SGCZ: variants seen among roughly 807,000 people sequenced by gnomAD.
SGCZ encodes sarcoglycan zeta.
In SGCZ, 40 loss-of-function variants were observed where a neutral mutation model predicts 41.3. The observed-to-expected ratio is 0.97, with a 90% CI of 0.75 to 1.26. The LOEUF is 1.26. Among genes scored for constraint, SGCZ ranks in the 50% most tolerant of loss-of-function variants. The pLI, the probability that SGCZ is intolerant of heterozygous loss-of-function variation, is 0.00. For synonymous variants in SGCZ, 206 were observed against 137.5 expected, an observed-to-expected ratio of 1.50 and a Z score of -3.49; for missense variants, 552 against 369.8, an observed-to-expected ratio of 1.49 and a Z score of -4.04.
chr8:14,575,124 G>A (rs753657733), intron 1 of SGCZ, among the ~76,000 whole-genome samples: 1 of 152,184 alleles, frequency 6.6e-6, no homozygotes, highest in Non-Finnish European at 1.5e-5. Flanking sequence ...AAATAAATTT[G>A]TGTTCATTAG....
intron 1 of SGCZ, among the ~76,000 whole-genome samples, chr8:14,602,532 AATT>A (rs1805626695): frequency 6.6e-6 from 1 of 152,150 alleles, no homozygotes; most frequent in South Asian, 2.1e-4. Flanking sequence ...TGAAAAAACT[AATT>A]AATTAATTAA....
At chr8:14,443,188 A>C (rs1800324401) in intron 2 of SGCZ, among the ~76,000 whole-genome samples, 1 of 152,184 alleles carries the variant, frequency 6.6e-6, no homozygotes, top group African/African-American at 2.4e-5. Flanking sequence ...AGAATATTCC[A>C]TGCTCATGGG....
intron 1 of SGCZ, among the ~76,000 whole-genome samples, chr8:14,669,438 T>A (rs1010579763): frequency 6.6e-6 from 1 of 151,984 alleles, no homozygotes; most frequent in Non-Finnish European, 1.5e-5. Flanking sequence ...TAATCTTGAA[T>A]AACTAAAAGT....
At chr8:14,848,129 A>AAATTAT (rs1180544544) in intron 1 of SGCZ, among the ~76,000 whole-genome samples, 4 of 152,146 alleles carry the variant, frequency 2.6e-5, no homozygotes, top group African/African-American at 4.8e-5. Flanking sequence ...CAGTAGCATA[A>AAATTAT]AATTATAAAA....
chr8:14,637,560 G>A lies in SGCZ; in HGVS notation c.40-82634C>T, dbSNP rs1329555671. On this transcript the variant is annotated intron_variant, in intron 1 of 7. Coordinates refer to ENST00000382080, the MANE Select transcript of SGCZ (RefSeq NM_139167.4). The stretch of plus-strand genomic sequence containing the variant: ...GTGTTTAGCTCCCACTTATAAGTGA[G>A]AACATGCAGTATTTGTTTTTTTTGT... 2.0e-5 allele frequency among the ~76,000 whole-genome samples: 3 copies of A among 149,238 alleles called. 1 individual carries two copies. Among genetic ancestry groups the A allele is most frequent in the South Asian group, 4.2e-4 (2 of 4,730 alleles).
rs532858389 is a variant in SGCZ, at chr8:14,551,032, G to A, written c.234+3700C>T. Reference sequence around the variant, plus strand: ...TTGCTTCAATTATTACCCAGGTCTGGGTATTCTTGACTTCTCTTTAACTCA... The same window carrying A: ...TTGCTTCAATTATTACCCAGGTCTGAGTATTCTTGACTTCTCTTTAACTCA... On this transcript the variant is annotated intron_variant, in intron 2 of 7. Coordinates refer to ENST00000382080, the MANE Select transcript of SGCZ (RefSeq NM_139167.4). Among the ~76,000 whole-genome samples the A allele has an allele frequency of 9.6e-4, 145 of 151,300 alleles. 1 individual carries two copies. The highest frequency in any genetic ancestry group is 6.8e-3 in the Middle Eastern group (2 of 292).
chr8:14,895,769 G>C (rs1042478111), intron 1 of SGCZ, among the ~76,000 whole-genome samples: 3 of 152,178 alleles, frequency 2.0e-5, no homozygotes, highest in Admixed American at 6.5e-5. Flanking sequence ...AGATGCAGTG[G>C]TTCCCAGCCC....
intron 5 of SGCZ, among the ~76,000 whole-genome samples, chr8:14,137,686 G>C (rs1803243585): frequency 6.6e-6 from 1 of 152,206 alleles, no homozygotes. Flanking sequence ...TTTGTGAAAA[G>C]ACCAAATCTA....
chr8:14,463,074 C>A (rs1219641194), intron 2 of SGCZ, among the ~76,000 whole-genome samples: 2 of 151,380 alleles, frequency 1.3e-5, no homozygotes, highest in African/African-American at 4.8e-5. Flanking sequence ...TAATCTTAAC[C>A]ATATTTTTGT....
intron 1 of SGCZ, among the ~76,000 whole-genome samples, chr8:14,644,984 ACTGTGG>A (rs1270682966): frequency 6.6e-6 from 1 of 151,434 alleles, no homozygotes; most frequent in East Asian, 2.0e-4. Flanking sequence ...TACTCGTTAG[ACTGTGG>A]CCTACAGTCT....
intron 2 of SGCZ, chr8:14,332,493 A>G (rs1802369225): frequency 1.3e-5 from 2 of 152,060 alleles, no homozygotes; most frequent in African/African-American, 4.8e-5. Flanking sequence ...ATTTGACAAA[A>G]TGGATAGGAT....
At chr8:14,819,605 C>G (rs1802013804) in intron 1 of SGCZ, among the ~76,000 whole-genome samples, 1 of 152,076 alleles carries the variant, frequency 6.6e-6, no homozygotes. Context: ...AGTAATGGTG[C>G]AGTGTAAATC....
At chr8:14,832,636 A>G (rs528409397) in intron 1 of SGCZ, among the ~76,000 whole-genome samples, 9 of 152,314 alleles carry the variant, frequency 5.9e-5, no homozygotes, top group Admixed American at 1.3e-4. Flanking sequence ...GAGACATGAA[A>G]GGGTGTCTGC....
At position 14,785,758 on chromosome 8, in the gene SGCZ, T is replaced by G. The variant is rs77436449; in HGVS notation, c.40-230832A>C. 2.0e-3 allele frequency among the ~76,000 whole-genome samples: 307 copies of G among 152,328 alleles called. 2 individuals carry two copies. The highest frequency in any genetic ancestry group is 7.1e-3 in the African/African-American group (295 of 41,576). ...CAAATAAACAAATTCACACGGGCTT[T>G]AACTTGTTACTCTTTTTGTACATTT... On this transcript the variant is annotated intron_variant, in intron 1 of 7. Coordinates refer to ENST00000382080, the MANE Select transcript of SGCZ (RefSeq NM_139167.4).
At chr8:14,356,848 A>AT (rs1392150068) in intron 2 of SGCZ, among the ~76,000 whole-genome samples, 2 of 152,056 alleles carry the variant, frequency 1.3e-5, no homozygotes, top group Non-Finnish European at 2.9e-5. Context: ...AAAATAGTAT[A>AT]TTTTTTCTAA....
At chr8:14,276,473 C>T (rs78512977) in intron 3 of SGCZ, among the ~76,000 whole-genome samples, 137 of 152,218 alleles carry the variant, frequency 9.0e-4, no homozygotes, top group Non-Finnish European at 1.4e-3. Context: ...GTAAGTGGCT[C>T]TTGATATATT....
At chr8:14,587,877 A>T (rs1805112073) in intron 1 of SGCZ, among the ~76,000 whole-genome samples, 1 of 152,154 alleles carries the variant, frequency 6.6e-6, no homozygotes, top group African/African-American at 2.4e-5. Context: ...ATTGTATTAT[A>T]AACTGAGTTT....
intron 1 of SGCZ, among the ~76,000 whole-genome samples, chr8:15,138,385 T>A (rs190170685): frequency 6.6e-6 from 1 of 152,060 alleles, no homozygotes; most frequent in Non-Finnish European, 1.5e-5. Flanking sequence ...TGGGAGGGCA[T>A]GATTGTGATT....
rs1296776203 is a variant in SGCZ, at chr8:14,976,689, A to G, written c.39+260896T>C. Reference sequence around the variant, plus strand: ...TCAATAAAAAGCACAGCATAGATACAGAGTACAAAAATATGACAAAGCAAG... The same window carrying G: ...TCAATAAAAAGCACAGCATAGATACGGAGTACAAAAATATGACAAAGCAAG... On this transcript the variant is annotated intron_variant, in intron 1 of 7. Coordinates refer to ENST00000382080, the MANE Select transcript of SGCZ (RefSeq NM_139167.4). Among the ~76,000 whole-genome samples, 3 of 152,322 alleles carry G rather than the reference A, an allele frequency of 2.0e-5. No homozygotes were observed. The East Asian group carries it at 5.8e-4, about 29-fold the overall frequency.
Sources: gnomAD v4.1 joint callset for allele counts (sites outside exome capture counted in the v4.1 genomes callset) on GRCh38, gnomAD v4.1.1 for gene constraint, MANE v1.5 for transcripts, NCBI Gene and HGNC (gene_info 2026-07-23, HGNC 2026-07-21) for gene names.